Variants in NPAS3 observed in about 807,000 individuals in gnomAD.
NPAS3 encodes the protein neuronal PAS domain protein 3.
Under a neutral mutation model 73.1 loss-of-function variants are expected in NPAS3, and 14 were observed. The ratio of observed to expected loss-of-function variants is 0.19; its 90% CI spans 0.13 to 0.30. NPAS3 has a LOEUF of 0.30. NPAS3 is among the 10% of genes least tolerant of loss of function. The pLI, the probability that NPAS3 is intolerant of heterozygous loss-of-function variation, is 1.00. For missense variants in NPAS3, 1,096 were observed against 1,250.0 expected, an observed-to-expected ratio of 0.88 and a Z score of 1.86; for synonymous variants, 620 against 541.5, an observed-to-expected ratio of 1.14 and a Z score of -2.01.
At chr14:33,505,781 G>A (rs1057109640) in intron 4 of NPAS3, among the ~76,000 whole-genome samples, 1 of 151,920 alleles carries the variant, frequency 6.6e-6, no homozygotes, top group African/African-American at 2.4e-5. Flanking sequence ...ATGCCCTGAT[G>A]TCCATTGGCC....
chr14:33,027,142 C>A (rs531392132), intron 1 of NPAS3, among the ~76,000 whole-genome samples: 2 of 152,286 alleles, frequency 1.3e-5, no homozygotes, highest in South Asian at 4.2e-4. Context: ...GCCTGGACCA[C>A]CAGCGTTGGC....
At chr14:32,938,901 G>A (rs2035828632), upstream of NPAS3, among the ~76,000 whole-genome samples, 1 of 143,308 alleles carries the variant, frequency 7.0e-6, no homozygotes, top group African/African-American at 2.5e-5. Flanking sequence ...TCTCCGCGCC[G>A]GGCATGCCTC....
At chr14:33,278,538 GA>G (rs996043245) in intron 3 of NPAS3, among the ~76,000 whole-genome samples, 2 of 151,106 alleles carry the variant, frequency 1.3e-5, no homozygotes, top group African/African-American at 4.9e-5. Context: ...ACGATAAGGG[GA>G]AAAAAAAGAA....
chr14:33,252,597 A>G (rs1044094180), intron 3 of NPAS3, among the ~76,000 whole-genome samples: 17 of 151,556 alleles, frequency 1.1e-4, no homozygotes, highest in Non-Finnish European at 2.2e-4. Context: ...CTTACTTTTC[A>G]TTACTATTAC....
chr14:33,470,655 C>A (rs1464361402), intron 4 of NPAS3, among the ~76,000 whole-genome samples: 1 of 152,168 alleles, frequency 6.6e-6, no homozygotes, highest in Non-Finnish European at 1.5e-5. Flanking sequence ...CTGATCACAT[C>A]TTTAACAGTT....
At chr14:33,078,266 C>T (rs1174204990) in intron 2 of NPAS3, among the ~76,000 whole-genome samples, 1 of 152,194 alleles carries the variant, frequency 6.6e-6, no homozygotes, top group Non-Finnish European at 1.5e-5. Flanking sequence ...GTTTCACAGA[C>T]CCAATGATAG....
chr14:33,069,900 T>C (rs2041424901), intron 2 of NPAS3, among the ~76,000 whole-genome samples: 2 of 152,212 alleles, frequency 1.3e-5, no homozygotes, highest in African/African-American at 2.4e-5. Context: ...CTCTAGTTGA[T>C]AGTTTAAAAA....
In NPAS3 at chr14:33,493,422, G is replaced by A. The variant is rs112582724; in HGVS notation, c.469-66699G>A. Among the ~76,000 whole-genome samples the A allele has an allele frequency of 3.3e-4, 50 of 151,604 alleles. 1 individual carries two copies. Among genetic ancestry groups the A allele is most frequent in the African/African-American group, 1.0e-3 (43 of 41,298 alleles). On this transcript the variant is annotated intron_variant, in intron 4 of 11. Transcript: ENST00000356141. ...CCTCTGGGAGCAATACAAGGGCATC[G>A]CTTTGTGACTCTGAAACCATAGATT... is the stretch of plus-strand genomic sequence containing the variant.
At chr14:33,053,736 A>G (rs1469008851) in intron 1 of NPAS3, among the ~76,000 whole-genome samples, 1 of 152,198 alleles carries the variant, frequency 6.6e-6, no homozygotes, top group Non-Finnish European at 1.5e-5. Flanking sequence ...CACAAGATGT[A>G]AATGAAAATT....
chr14:33,192,325 C>T (rs953933457), intron 2 of NPAS3, among the ~76,000 whole-genome samples: 2 of 151,998 alleles, frequency 1.3e-5, no homozygotes, highest in South Asian at 2.1e-4. Context: ...GCTAAAGGAC[C>T]GTAAAAGGAA....
At chr14:33,206,439 C>T (rs1444267587) in intron 2 of NPAS3, among the ~76,000 whole-genome samples, 1 of 152,144 alleles carries the variant, frequency 6.6e-6, no homozygotes, top group African/African-American at 2.4e-5. Context: ...CAAGAAAACT[C>T]CCAGTTTTGG....
chr14:33,520,423 T>A (rs1022522887), intron 4 of NPAS3, among the ~76,000 whole-genome samples: 5 of 152,120 alleles, frequency 3.3e-5, no homozygotes, highest in Non-Finnish European at 7.4e-5. Flanking sequence ...TTCTTTTTTT[T>A]AAATCTGAGA....
chr14:33,574,950 C>T (rs1196393789), intron 5 of NPAS3, among the ~76,000 whole-genome samples: 1 of 140,764 alleles, frequency 7.1e-6, no homozygotes, highest in Non-Finnish European at 1.5e-5. Flanking sequence ...ATTGGTCAAC[C>T]TTGGTCCATG....
intron 1 of NPAS3, among the ~76,000 whole-genome samples, chr14:33,033,649 G>A (rs2138362483): frequency 6.6e-6 from 1 of 152,150 alleles, no homozygotes; most frequent in East Asian, 1.9e-4. Flanking sequence ...TTGCTTAACT[G>A]ATGACCACTC....
intron 4 of NPAS3, among the ~76,000 whole-genome samples, chr14:33,546,427 G>A (rs2054847360): frequency 6.6e-6 from 1 of 152,160 alleles, no homozygotes; most frequent in South Asian, 2.1e-4. Context: ...ACTATAAGGG[G>A]CATTAGTAAT....
chr14:33,565,780 G>T (rs568536217), intron 5 of NPAS3, among the ~76,000 whole-genome samples: 1 of 152,108 alleles, frequency 6.6e-6, no homozygotes, highest in Admixed American at 6.6e-5. Context: ...TTTGCAGTTG[G>T]TGTTCTAAAT....
chr14:33,614,023 A>C (rs995428224), intron 5 of NPAS3, among the ~76,000 whole-genome samples: 6 of 152,154 alleles, frequency 3.9e-5, no homozygotes, highest in African/African-American at 1.4e-4. Context: ...CTGACTTGGG[A>C]AGTTTTCATG....
chr14:33,528,965 A>G (rs2053923644), intron 4 of NPAS3, among the ~76,000 whole-genome samples: 1 of 152,120 alleles, frequency 6.6e-6, no homozygotes, highest in Non-Finnish European at 1.5e-5. Flanking sequence ...CATATAGTTG[A>G]TGTGAGGCAT....
chr14:33,539,058 G>T (rs956512506), intron 4 of NPAS3, among the ~76,000 whole-genome samples: 5 of 152,134 alleles, frequency 3.3e-5, no homozygotes, highest in Admixed American at 6.5e-5. Flanking sequence ...CCTGCGGAGG[G>T]AGGGGGAATC....
Sources: allele counts gnomAD v4.1 joint callset (sites outside exome capture counted in the v4.1 genomes callset), GRCh38; gene constraint gnomAD v4.1.1; transcripts MANE v1.5; gene names NCBI Gene and HGNC (gene_info 2026-07-23, HGNC 2026-07-21).